Variants in CDH13 observed in about 807,000 individuals in gnomAD.
CDH13 encodes cadherin 13, also known as cadherin-13.
CDH13 carries 24 observed loss-of-function variants against 63.8 expected under a neutral mutation model. The observed-to-expected ratio is 0.38, with a 90% CI of 0.27 to 0.53. The LOEUF is 0.53. Ranked by LOEUF, CDH13 falls within the 20% of genes least tolerant of loss-of-function variation. The probability of loss-of-function intolerance (pLI) is 0.85; values close to 1 mark genes in which losing one functional copy is unlikely to be tolerated. For missense variants in CDH13, 1,049 were observed against 903.1 expected (o/e 1.16, Z -2.07); for synonymous variants, 503 against 355.3 (o/e 1.42, Z -4.67).
intron 10 of CDH13, among the ~76,000 whole-genome samples, chr16:83,724,386 T>G (rs1343895776): frequency 3.4e-5 from 5 of 147,826 alleles, no homozygotes; most frequent in African/African-American, 5.0e-5. Context: ...CATGGGTGGG[T>G]GATGAATGCA....
chr16:82,631,187 C>G (rs1907966813), intron 1 of CDH13, among the ~76,000 whole-genome samples: 1 of 152,156 alleles, frequency 6.6e-6, no homozygotes, highest in Admixed American at 6.5e-5. Flanking sequence ...GACTCTGTAT[C>G]CCCTCTGAGT....
At chr16:83,738,171 A>T (rs138579491) in intron 10 of CDH13, among the ~76,000 whole-genome samples, 3 of 152,328 alleles carry the variant, frequency 2.0e-5, no homozygotes, top group Non-Finnish European at 4.4e-5. Flanking sequence ...CCATTTGTGT[A>T]ATTACTAATT....
At chr16:83,588,711 C>T (rs557979370) in intron 7 of CDH13, among the ~76,000 whole-genome samples, 1 of 152,336 alleles carries the variant, frequency 6.6e-6, no homozygotes, top group East Asian at 1.9e-4. Context: ...TTCATCTTCC[C>T]ACTAGACAGA....
intron 1 of CDH13, among the ~76,000 whole-genome samples, chr16:82,660,969 T>C (rs1377912558): frequency 6.6e-6 from 1 of 150,928 alleles, no homozygotes; most frequent in East Asian, 1.9e-4. Context: ...ATTGAAGAAG[T>C]CATAAAAACA....
intron 7 of CDH13, among the ~76,000 whole-genome samples, chr16:83,501,425 GC>G (rs568532468): frequency 7.8e-4 from 117 of 149,886 alleles, no homozygotes; most frequent in African/African-American, 2.5e-3. Context: ...GTCTCCTTGG[GC>G]TCTAGCATTC....
chr16:83,087,177 T>C (rs1597308678), intron 3 of CDH13, among the ~76,000 whole-genome samples: 1 of 152,270 alleles, frequency 6.6e-6, no homozygotes, highest in East Asian at 1.9e-4. Context: ...GTAAAATTGA[T>C]TTTTTTAATT....
In CDH13 at chr16:83,622,305, C is replaced by A. The variant is rs180959688; in HGVS notation, c.1101+19711C>A. On this transcript the variant is annotated intron_variant, in intron 8 of 13. Coordinates refer to ENST00000567109, the MANE Select transcript of CDH13 (RefSeq NM_001257.5). ...GAGTCAGAGCACCTGGTTCCAGAGG[C>A]AGCTTTCAAACACAGCACTGCACTC... Among the ~76,000 whole-genome samples, 66 of 152,232 alleles carry A rather than the reference C, an allele frequency of 4.3e-4. No homozygotes were observed. In the East Asian group the frequency reaches 0.012, roughly 28 times the overall value.
chr16:82,832,815 G>A (rs186517093), intron 1 of CDH13, among the ~76,000 whole-genome samples: 2 of 152,314 alleles, frequency 1.3e-5, no homozygotes, highest in East Asian at 3.9e-4. Context: ...CATCTACTGG[G>A]TGACAATCGT....
chr16:82,936,763 C>G lies in CDH13; in HGVS notation c.157+78290C>G, dbSNP rs193231227. Among the ~76,000 whole-genome samples, 119 of 152,328 alleles carry G rather than the reference C, an allele frequency of 7.8e-4. 1 individual carries two copies. The highest frequency in any genetic ancestry group is 1.4e-3 in the Non-Finnish European group (96 of 68,036). ...ACTGTGAGAATAGGTAGAATCAACT[C>G]TACTTGAGTGCATTGCCCACACAAC... is the stretch of plus-strand genomic sequence containing the variant. On this transcript the variant is annotated intron_variant, in intron 2 of 13. Coordinates refer to ENST00000567109, the MANE Select transcript of CDH13 (RefSeq NM_001257.5).
intron 7 of CDH13, among the ~76,000 whole-genome samples, chr16:83,523,585 A>G (rs930166246): frequency 6.6e-6 from 1 of 151,902 alleles, no homozygotes; most frequent in Non-Finnish European, 1.5e-5. Context: ...GTGCTCCTCC[A>G]TTTCCCATTC....
At chr16:82,816,815 G>A (rs1050183940) in intron 1 of CDH13, among the ~76,000 whole-genome samples, 1 of 117,436 alleles carries the variant, frequency 8.5e-6, no homozygotes, top group Non-Finnish European at 1.7e-5. Flanking sequence ...GGGGGCGGGG[G>A]GTGGGGGGGA....
intron 5 of CDH13, among the ~76,000 whole-genome samples, chr16:83,258,286 G>T (rs1338098646): frequency 6.6e-6 from 1 of 152,120 alleles, no homozygotes; most frequent in Non-Finnish European, 1.5e-5. Context: ...GCCAATAAAA[G>T]GTATATTCTA....
At chr16:83,268,368 C>T (rs144846520) in intron 5 of CDH13, among the ~76,000 whole-genome samples, 54 of 152,288 alleles carry the variant, frequency 3.5e-4, no homozygotes, top group Admixed American at 2.2e-3. Context: ...TAGTTCTTTT[C>T]GCACAAATGC....
chr16:82,810,887 G>C (rs967554681), intron 1 of CDH13, among the ~76,000 whole-genome samples: 1 of 152,072 alleles, frequency 6.6e-6, no homozygotes, highest in Non-Finnish European at 1.5e-5. Context: ...GGGGGAAATG[G>C]GGGGAGGTAT....
At chr16:83,569,664 A>T (rs977018348) in intron 7 of CDH13, among the ~76,000 whole-genome samples, 3 of 152,202 alleles carry the variant, frequency 2.0e-5, no homozygotes, top group African/African-American at 7.2e-5. Flanking sequence ...GACATAGGAC[A>T]TGGACTCAGA....
At chr16:83,779,684 A>C (rs958920096) in intron 11 of CDH13, among the ~76,000 whole-genome samples, 1 of 151,784 alleles carries the variant, frequency 6.6e-6, no homozygotes, top group Non-Finnish European at 1.5e-5. Flanking sequence ...TTATCCTCTT[A>C]GATGTAAATG....
At chr16:83,476,229 C>G (rs2073600434) in intron 6 of CDH13, among the ~76,000 whole-genome samples, 1 of 152,230 alleles carries the variant, frequency 6.6e-6, no homozygotes, top group Non-Finnish European at 1.5e-5. Flanking sequence ...CATCCTTGAT[C>G]TCTACCCACT....
intron 5 of CDH13, among the ~76,000 whole-genome samples, chr16:83,243,879 A>T (rs577867057): frequency 2.0e-5 from 3 of 152,318 alleles, no homozygotes; most frequent in South Asian, 4.1e-4. Context: ...CAGATGGCTT[A>T]GATTTGGATC....
At chr16:83,746,676 A>G (rs1912616548) in intron 10 of CDH13, among the ~76,000 whole-genome samples, 1 of 152,182 alleles carries the variant, frequency 6.6e-6, no homozygotes, top group African/African-American at 2.4e-5. Flanking sequence ...TTACCAGTGT[A>G]AAGATTCCCA....
Sources: allele counts gnomAD v4.1 joint callset (sites outside exome capture counted in the v4.1 genomes callset), GRCh38; gene constraint gnomAD v4.1.1; transcripts MANE v1.5; gene names NCBI Gene and HGNC (gene_info 2026-07-23, HGNC 2026-07-21).